The following BNIP2 variants were observed in gnomAD, a reference collection of about 807,000 sequenced individuals.
BNIP2 encodes the protein BCL2 interacting protein 2, also known as BCL2/adenovirus E1B 19 kDa protein-interacting protein 2.
A neutral mutation model predicts 43.4 loss-of-function variants in BNIP2; 36 were observed. The observed-to-expected ratio is 0.83, with a 90% CI of 0.64 to 1.10. BNIP2 has a LOEUF of 1.10. Among genes scored for constraint, BNIP2 ranks in the 50% least tolerant of loss-of-function variants. BNIP2 has a pLI of 0.00. For missense variants in BNIP2, 417 were observed against 374.1 expected (o/e 1.11, Z -0.95); for synonymous variants, 146 against 121.0 (o/e 1.21, Z -1.35).
In BNIP2 at chr15:59,672,749, A is replaced by G. The variant is rs1227882846; in HGVS notation, c.473-10T>C. The G allele has an allele frequency of 1.2e-6, 2 of 1,608,582 alleles. No homozygotes were observed. The highest frequency in any genetic ancestry group is 2.7e-5 in the African/African-American group (2 of 74,852). ...CCATCCCCATAATATCCTAAAAAAG[A>G]AACCAAAGACAGTATCACCAGCACG... is the stretch of plus-strand genomic sequence containing the variant. On this transcript the variant is annotated splice_polypyrimidine_tract_variant and intron_variant, in intron 5 of 9. Coordinates refer to ENST00000607373, the MANE Select transcript of BNIP2 (RefSeq NM_004330.4).
Position 59,667,678 on chromosome 15 carries a change from T to A in BNIP2, c.893+1214A>T, listed in dbSNP as rs372369634. Reference sequence around the variant, plus strand: ...CCAAAGTATATATGCATTGCAAATATAATAATCAACCCCAGGGAAATAAAT... The same window carrying A: ...CCAAAGTATATATGCATTGCAAATAAAATAATCAACCCCAGGGAAATAAAT... On this transcript the variant is annotated intron_variant, in intron 9 of 9. Transcript: ENST00000607373. 2.3e-4 allele frequency among the ~76,000 whole-genome samples: 35 copies of A among 152,342 alleles called. 1 individual carries two copies. In the South Asian group the frequency reaches 4.1e-3, roughly 18 times the overall value.
At chr15:59,676,838 G>C (rs1378810162) in intron 5 of BNIP2, 1 of 1,560,150 alleles carries the variant, frequency 6.4e-7, no homozygotes, top group Non-Finnish European at 8.7e-7. Flanking sequence ...TTCCTGCCGG[G>C]AATTCTGCCT....
intron 5 of BNIP2, among the ~76,000 whole-genome samples, chr15:59,673,328 C>G (rs1306320768): frequency 6.6e-6 from 1 of 151,976 alleles, no homozygotes; most frequent in Non-Finnish European, 1.5e-5. Flanking sequence ...GTTGGCCAGA[C>G]TGGTCTCGAA....
At chr15:59,665,137 G>A (rs1264371362) in intron 9 of BNIP2, among the ~76,000 whole-genome samples, 1 of 151,322 alleles carries the variant, frequency 6.6e-6, no homozygotes, top group East Asian at 1.9e-4. Context: ...GGTGGTACGC[G>A]TCTGTAGTCC....
chr15:59,673,816 G>A (rs1256481399), intron 5 of BNIP2, among the ~76,000 whole-genome samples: 1 of 152,096 alleles, frequency 6.6e-6, no homozygotes, highest in East Asian at 1.9e-4. Flanking sequence ...GGCCGGGCGA[G>A]GTGGCTCATG....
At chr15:59,688,752 T>C (rs1317836056) in intron 1 of BNIP2, 11 of 1,535,602 alleles carry the variant, frequency 7.2e-6, no homozygotes, top group African/African-American at 1.4e-5. Context: ...AGTTTCTTTG[T>C]TCTGTACCAG....
chr15:59,667,707 G>C (rs917995355), intron 9 of BNIP2, among the ~76,000 whole-genome samples: 1 of 152,150 alleles, frequency 6.6e-6, no homozygotes, highest in Non-Finnish European at 1.5e-5. Flanking sequence ...AATAAATTGA[G>C]AACTTTTAAA....
chr15:59,680,195 AAC>A, intron 3 of BNIP2, 44 bp downstream of exon 3: 2 of 1,376,816 alleles, frequency 1.5e-6, no homozygotes, highest in Non-Finnish European at 1.9e-6. Flanking sequence ...TTTAAAAAAT[AAC>A]ACAAAGTCCA....
At chr15:59,680,140 G>T (rs1361626467) in intron 3 of BNIP2, 101 bp downstream of exon 3, 20 of 935,140 alleles carry the variant, frequency 2.1e-5, no homozygotes, top group Non-Finnish European at 2.9e-5. Flanking sequence ...TTCTATGATG[G>T]AATAAAAACT....
intron 3 of BNIP2, 30 bp from the exon 4 acceptor site, chr15:59,679,798 G>C (rs551387993): frequency 2.1e-6 from 3 of 1,446,442 alleles, no homozygotes; most frequent in Middle Eastern, 1.8e-4. Context: ...AAAAAGATAC[G>C]TAACAAGGAA....
chr15:59,678,727 T>A (rs1301026263), intron 4 of BNIP2: 1 of 1,234,156 alleles, frequency 8.1e-7, no homozygotes, highest in Non-Finnish European at 1.0e-6. Context: ...ATTTTCAAAA[T>A]TTCAGTATTA....
intron 5 of BNIP2, among the ~76,000 whole-genome samples, chr15:59,676,145 G>A (rs1460709380): frequency 6.6e-6 from 1 of 151,996 alleles, no homozygotes; most frequent in African/African-American, 2.4e-5. Context: ...TCCCAGTTTT[G>A]GGTAGCCTAG....
At position 59,663,964 on chromosome 15, in the gene BNIP2, G is replaced by C; in HGVS notation, c.*105C>G. 1.1e-5 allele frequency: 10 copies of C among 890,620 alleles called. No homozygotes were observed. The highest frequency in any genetic ancestry group is 1.7e-5 in the Non-Finnish European group (10 of 604,268). The allele number at this position is 890,620 out of a possible 1,614,324, so 55.2% of individuals were successfully genotyped here. A position where few individuals can be genotyped will look rare whatever the true frequency, so the allele number is the denominator to read the frequency against. On this transcript the variant is annotated 3_prime_UTR_variant, in exon 10 of 10. Transcript: ENST00000607373. ...ATTATGAAAAAGTCAAGTCTATTTT[G>C]TAACAGGTTACATAAAAATATGGGC...
chr15:59,678,012 T>G lies in BNIP2; in HGVS notation c.371A>C (p.Lys124Thr). Residue 124 changes from lysine (K) to threonine (T), a missense_variant, in exon 5 of 10, where the codon AAA (lysine) becomes ACA (threonine). Lys to Thr is a moderately conservative substitution (Grantham distance 78). Coordinates refer to ENST00000607373, the MANE Select transcript of BNIP2 (RefSeq NM_004330.4). ...SITEYTAAEE[K>T]EDGRRWRMFR... is the part of the protein sequence containing the mutation. ...CATACGCCAGCGTCGTCCATCTTCT[T>G]TTTCCTCTGCTGCTGTGTATTCAGT... is the stretch of plus-strand genomic sequence containing the variant. 6.2e-7 allele frequency: 1 copy of G among 1,614,000 alleles called. No homozygotes were observed. The highest frequency in any genetic ancestry group is 1.1e-5 in the South Asian group (1 of 91,074).
intron 5 of BNIP2, chr15:59,677,311 C>T: frequency 1.9e-6 from 3 of 1,574,432 alleles, no homozygotes; most frequent in Non-Finnish European, 2.6e-6. Flanking sequence ...GCCACATCAA[C>T]AAGCCCATGA....
chr15:59,676,752 G>A, intron 5 of BNIP2: 2 of 1,415,242 alleles, frequency 1.4e-6, no homozygotes, highest in South Asian at 1.3e-5. Flanking sequence ...CAGAGTTGGG[G>A]TGTCATGGAG....
intron 2 of BNIP2, among the ~76,000 whole-genome samples, chr15:59,681,535 G>C (rs1235592245): frequency 1.3e-5 from 2 of 150,044 alleles, no homozygotes; most frequent in African/African-American, 2.5e-5. Context: ...GGCAACCCCT[G>C]CCTCCTGGGT....
intron 9 of BNIP2, among the ~76,000 whole-genome samples, chr15:59,667,836 A>C (rs1292645366): frequency 6.6e-6 from 1 of 152,252 alleles, no homozygotes; most frequent in Non-Finnish European, 1.5e-5. Flanking sequence ...CTCTGGTTTC[A>C]CCATTAGTAC....
intron 9 of BNIP2, among the ~76,000 whole-genome samples, chr15:59,665,164 T>G (rs1354398019): frequency 6.6e-6 from 1 of 151,860 alleles, no homozygotes; most frequent in African/African-American, 2.4e-5. Flanking sequence ...CTTGGGAGGC[T>G]GAGGTAGGAG....
Sources: gnomAD v4.1 joint callset for allele counts (sites outside exome capture counted in the v4.1 genomes callset) on GRCh38, gnomAD v4.1.1 for gene constraint, MANE v1.5 for transcripts, NCBI Gene and HGNC (gene_info 2026-07-23, HGNC 2026-07-21) for gene names.